GALNT13: variants seen among roughly 807,000 people sequenced by gnomAD.
GALNT13 encodes polypeptide N-acetylgalactosaminyltransferase 13.
GALNT13 carries 28 observed loss-of-function variants against 64.2 expected under a neutral mutation model. The ratio of observed to expected loss-of-function variants is 0.44; its 90% CI spans 0.32 to 0.60. GALNT13 has a LOEUF of 0.60. Among genes scored for constraint, GALNT13 ranks in the 20% least tolerant of loss-of-function variants. GALNT13 has a pLI of 0.05. For synonymous variants in GALNT13, 214 were observed against 224.6 expected, an observed-to-expected ratio of 0.95 and a Z score of 0.42; for missense variants, 577 against 669.8, an observed-to-expected ratio of 0.86 and a Z score of 1.53.
chr2:153,998,301 A>G (rs990306606), intron 3 of GALNT13, among the ~76,000 whole-genome samples: 1 of 152,128 alleles, frequency 6.6e-6, no homozygotes, highest in African/African-American at 2.4e-5. Flanking sequence ...CCTTTCTAGC[A>G]TCTGTTGTTT....
chr2:153,108,952 A>T, the GALNT13 span, among the ~76,000 whole-genome samples: 1 of 152,300 alleles, frequency 6.6e-6, no homozygotes, highest in Middle Eastern at 3.4e-3. Context: ...GTATTTACAG[A>T]GATATGGAAA....
intron 4 of GALNT13, among the ~76,000 whole-genome samples, chr2:154,145,859 A>G (rs1683560594): frequency 2.0e-5 from 3 of 152,198 alleles, no homozygotes; most frequent in Admixed American, 1.3e-4. Context: ...ATGAATTAAA[A>G]TATGATAAAT....
chr2:153,559,859 G>A, the GALNT13 span, among the ~76,000 whole-genome samples: 1 of 151,822 alleles, frequency 6.6e-6, no homozygotes, highest in Admixed American at 6.6e-5. Flanking sequence ...TAAGTTTTTT[G>A]GATTTTTCTC....
chr2:153,609,231 T>C, the GALNT13 span, among the ~76,000 whole-genome samples: 1 of 152,118 alleles, frequency 6.6e-6, no homozygotes, highest in African/African-American at 2.4e-5. Flanking sequence ...GGCTGGTCAA[T>C]ATTTTTCTCC....
At chr2:153,931,062 C>T (rs1690479721) in intron 2 of GALNT13, among the ~76,000 whole-genome samples, 1 of 105,234 alleles carries the variant, frequency 9.5e-6, no homozygotes, top group African/African-American at 4.6e-5. Flanking sequence ...TTGCTGTATT[C>T]CTAAGTGTGT....
chr2:154,369,176 A>G (rs1697541986), intron 9 of GALNT13, among the ~76,000 whole-genome samples: 1 of 152,088 alleles, frequency 6.6e-6, no homozygotes, highest in Admixed American at 6.6e-5. Context: ...AAAGCCTGAG[A>G]TAGAATTGGT....
chr2:153,472,171 A>T, the GALNT13 span, among the ~76,000 whole-genome samples: 1 of 152,212 alleles, frequency 6.6e-6, no homozygotes, highest in East Asian at 1.9e-4. Context: ...GATAAAAATC[A>T]ATGACTCTTT....
the GALNT13 span, among the ~76,000 whole-genome samples, chr2:153,604,054 C>T: frequency 1.8e-4 from 28 of 151,984 alleles, no homozygotes; most frequent in African/African-American, 6.5e-4. Context: ...ACCATCAATG[C>T]ATTACTTACA....
the GALNT13 span, among the ~76,000 whole-genome samples, chr2:153,833,997 T>C: frequency 1.3e-5 from 1 of 76,314 alleles, no homozygotes; most frequent in African/African-American, 3.8e-5. Flanking sequence ...TTCTTAACAA[T>C]GTTACTGATA....
At chr2:153,651,315 A>G in the GALNT13 span, among the ~76,000 whole-genome samples, 1 of 152,192 alleles carries the variant, frequency 6.6e-6, no homozygotes, top group South Asian at 2.1e-4. Context: ...AATAATTGAT[A>G]AATATGAATG....
chr2:153,734,006 T>C, the GALNT13 span, among the ~76,000 whole-genome samples: 1 of 152,268 alleles, frequency 6.6e-6, no homozygotes. Context: ...GGTTGCTTGA[T>C]TGTCTTAGAA....
the GALNT13 span, among the ~76,000 whole-genome samples, chr2:153,630,391 C>T: frequency 1.7e-4 from 26 of 150,212 alleles, no homozygotes; most frequent in South Asian, 2.5e-3. Flanking sequence ...TGTAAACTTT[C>T]GCAAGGACAA....
At chr2:153,534,724 C>A in the GALNT13 span, among the ~76,000 whole-genome samples, 1 of 149,860 alleles carries the variant, frequency 6.7e-6, no homozygotes, top group African/African-American at 2.4e-5. Context: ...AGTGGGGGAG[C>A]TTTTTGAGCC....
At chr2:153,697,879 G>A in the GALNT13 span, among the ~76,000 whole-genome samples, 1 of 152,120 alleles carries the variant, frequency 6.6e-6, no homozygotes, top group Admixed American at 6.6e-5. Context: ...GGAATTTATT[G>A]GCATAATCCA....
At chr2:153,937,183 A>G (rs1013544635) in intron 2 of GALNT13, among the ~76,000 whole-genome samples, 10 of 152,232 alleles carry the variant, frequency 6.6e-5, no homozygotes, top group African/African-American at 2.2e-4. Flanking sequence ...TTGTACCTAA[A>G]TGTTAACAGC....
chr2:154,191,181 G>T (rs1023505398), intron 4 of GALNT13, among the ~76,000 whole-genome samples: 1 of 152,140 alleles, frequency 6.6e-6, no homozygotes, highest in African/African-American at 2.4e-5. Flanking sequence ...GTATGATAAG[G>T]CTATCTAAAA....
At chr2:153,248,493 C>T in the GALNT13 span, among the ~76,000 whole-genome samples, 6 of 129,902 alleles carry the variant, frequency 4.6e-5, no homozygotes, top group African/African-American at 1.6e-4. Flanking sequence ...GCAGAAAAGG[C>T]GTGAGATAAA....
chr2:154,354,059 C>T (rs530016281), intron 9 of GALNT13, among the ~76,000 whole-genome samples: 1 of 152,276 alleles, frequency 6.6e-6, no homozygotes, highest in African/African-American at 2.4e-5. Flanking sequence ...TCTCTACCCC[C>T]ACCACCGTTT....
the GALNT13 span, among the ~76,000 whole-genome samples, chr2:153,138,540 G>C: frequency 6.6e-6 from 1 of 151,946 alleles, no homozygotes; most frequent in Non-Finnish European, 1.5e-5. Context: ...TATTTAGAAT[G>C]AGCTGGCTCC....
Sources: allele counts gnomAD v4.1 joint callset (sites outside exome capture counted in the v4.1 genomes callset), GRCh38; gene constraint gnomAD v4.1.1; transcripts MANE v1.5; gene names NCBI Gene and HGNC (gene_info 2026-07-23, HGNC 2026-07-21).